The following HECTD4 variants were observed in gnomAD, a reference collection of about 807,000 sequenced individuals.
HECTD4 encodes HECT domain E3 ubiquitin protein ligase 4.
HECTD4 carries 114 observed loss-of-function variants against 471.5 expected under a neutral mutation model. The ratio of observed to expected loss-of-function variants is 0.24; its 90% CI spans 0.21 to 0.28. HECTD4 has a LOEUF of 0.28. HECTD4 is among the 10% of genes least tolerant of loss of function. The probability of loss-of-function intolerance (pLI) is 1.00; values close to 1 mark genes in which losing one functional copy is unlikely to be tolerated. For synonymous variants in HECTD4, 2,012 were observed against 2,256.0 expected (o/e 0.89, Z 3.07); for missense variants, 3,866 against 5,651.5 (o/e 0.68, Z 10.13).
In HECTD4 at chr12:112,192,632, G is replaced by A; in HGVS notation, c.9220C>T (p.Leu3074Phe). The A allele has an allele frequency of 6.2e-7, 1 of 1,609,684 alleles. No individual in the cohort carries two copies. The highest frequency in any genetic ancestry group is 2.2e-5 in the East Asian group (1 of 44,808). ...TGGTCAGCGGTGGGGGGAGGTGCAA[G>A]CCCAGTGTTGGCTGGGGACGCGTCC... The part of the protein sequence containing the change: ...PRDASPANTG[L>F]APPPTADQYP... The change falls in exon 59 of 76, where the codon CTT (leucine) becomes TTT (phenylalanine). Residue 3074 changes from leucine (L) to phenylalanine (F), a missense_variant. Transcript: ENST00000682272.
intron 1 of HECTD4, among the ~76,000 whole-genome samples, chr12:112,324,056 T>C (rs1302085177): frequency 1.2e-4 from 9 of 73,314 alleles, no homozygotes; most frequent in Admixed American, 1.6e-4. Flanking sequence ...CTTTCTTTCT[T>C]TCTTTCTTTC....
At chr12:112,242,659 C>T (rs548384457) in intron 32 of HECTD4, among the ~76,000 whole-genome samples, 2 of 150,444 alleles carry the variant, frequency 1.3e-5, no homozygotes, top group Admixed American at 1.3e-4. Flanking sequence ...CCTGTAATCA[C>T]AGCACTTTGG....
At chr12:112,234,401 T>C (rs1052780982) in intron 37 of HECTD4, among the ~76,000 whole-genome samples, 1 of 152,176 alleles carries the variant, frequency 6.6e-6, no homozygotes, top group African/African-American at 2.4e-5. Context: ...GTTGCCATAA[T>C]GGCAGACAGG....
At chr12:112,331,406 T>C (rs1008318809) in intron 1 of HECTD4, among the ~76,000 whole-genome samples, 1 of 152,176 alleles carries the variant, frequency 6.6e-6, no homozygotes, top group Non-Finnish European at 1.5e-5. Context: ...GTGAATCCAA[T>C]GTGCAGCCAA....
At chr12:112,208,769 CAG>C in intron 50 of HECTD4, 139 bp from the exon 51 acceptor site, 2 of 623,852 alleles carry the variant, frequency 3.2e-6, no homozygotes, top group Non-Finnish European at 4.9e-6. Context: ...TGTTAAATCA[CAG>C]AGTCTAGGAA....
chr12:112,228,136 T>C lies in HECTD4; in HGVS notation c.6807A>G (p.Ser2269=). 1 of 1,613,804 alleles carries C rather than the reference T, an allele frequency of 6.2e-7. No homozygotes were observed. The highest frequency in any genetic ancestry group is 8.5e-7 in the Non-Finnish European group (1 of 1,179,808). The stretch of plus-strand genomic sequence containing the variant: ...GCCGAACGACTGCCATCACAGGAGC[T>C]GACCCATCTCCTGTTGCAGGAAGTG... ...HTSLPATGDG[S]APVMAVVRLL... The change falls in exon 43 of 76, where the codon TCA becomes TCG. Residue 2269 remains serine (S), a synonymous_variant. Transcript: ENST00000682272. This position sits in a 1 kb window ranked among gnomAD's most constrained non-coding sequence, Gnocchi z 4.9.
rs989000672 is a variant in HECTD4, at chr12:112,166,312, C to G, written c.12534+1005G>C. ...TCTTGCAATGGCTGCCCTGAGTGAC[C>G]CAGGGGGACAATGGCAGAGACCAGA... On this transcript the variant is annotated intron_variant, in intron 72 of 75. Coordinates refer to ENST00000682272, the MANE Select transcript of HECTD4 (RefSeq NM_001388303.1). This position sits in a 1 kb window ranked among gnomAD's most constrained non-coding sequence, Gnocchi z 4.6. 6.6e-6 allele frequency: 1 copy of G among 152,220 alleles called. No individual in the cohort carries two copies. Among genetic ancestry groups the G allele is most frequent in the Non-Finnish European group, 1.5e-5 (1 of 68,056 alleles). The allele number at this position is 152,220 out of a possible 1,614,324, so 9.4% of individuals were successfully genotyped here.
chr12:112,172,907 A>G, intron 66 of HECTD4, 46 bp from the exon 67 acceptor site: 3 of 1,528,780 alleles, frequency 2.0e-6, no homozygotes, highest in Non-Finnish European at 2.7e-6. Context: ...GGCAGGGCAC[A>G]CCGGGATGAC....
chr12:112,301,447 G>C (rs2035163297), intron 7 of HECTD4, among the ~76,000 whole-genome samples: 1 of 152,156 alleles, frequency 6.6e-6, no homozygotes, highest in African/African-American at 2.4e-5. Context: ...CTCCCAAAGT[G>C]TTGGGATTAC....
intron 54 of HECTD4, chr12:112,201,145 G>A (rs1167037551): frequency 2.2e-6 from 1 of 449,938 alleles, no homozygotes; most frequent in East Asian, 7.0e-5. Context: ...CCAAGCTGGA[G>A]TGCAGTGGTG....
chr12:112,361,730 C>G (rs1023063536), intron 1 of HECTD4, among the ~76,000 whole-genome samples: 1 of 152,174 alleles, frequency 6.6e-6, no homozygotes. Context: ...CTGAAGGACC[C>G]TGCATTTTAA....
intron 1 of HECTD4, among the ~76,000 whole-genome samples, chr12:112,361,455 G>T (rs981124802): frequency 2.6e-5 from 4 of 151,654 alleles, no homozygotes; most frequent in Non-Finnish European, 5.9e-5. Context: ...TTTTATTTTT[G>T]TAGAGATAGG....
chr12:112,304,995 A>G (rs1372125571), intron 7 of HECTD4, among the ~76,000 whole-genome samples: 1 of 152,180 alleles, frequency 6.6e-6, no homozygotes, highest in East Asian at 1.9e-4. Flanking sequence ...AAATTACCTC[A>G]TGAAAAAAGG....
chr12:112,239,956 A>G lies in HECTD4; in HGVS notation c.5030T>C (p.Val1677Ala). 1.2e-6 allele frequency: 2 copies of G among 1,614,006 alleles called. No homozygotes were observed. Among genetic ancestry groups the G allele is most frequent in the Non-Finnish European group, 1.7e-6 (2 of 1,179,838 alleles). The stretch of plus-strand genomic sequence containing the variant: ...AGGGTAACGAGCACACAGAGACACA[A>G]CAGAGGTCATGGTCTCGCCAAAGGC... ...QEAFGETMTS[V>A]VSLCARYPIA... Residue 1677 changes from valine (V) to alanine (A), a missense_variant, in exon 33 of 76, where the codon GTT becomes GCT. Physicochemically the swap from Val to Ala is moderately conservative, Grantham distance 64. Coordinates refer to ENST00000682272, the MANE Select transcript of HECTD4 (RefSeq NM_001388303.1). The surrounding 1 kb of genome is among the most constrained non-coding windows in gnomAD (Gnocchi z 4.9).
chr12:112,234,982 G>A (rs1297163955), intron 37 of HECTD4, 95 bp downstream of exon 37: 18 of 1,117,500 alleles, frequency 1.6e-5, no homozygotes, highest in East Asian at 2.6e-5. Context: ...AAAGAGGGCC[G>A]AGGCAGTCGA....
chr12:112,213,514 G>C lies in HECTD4; in HGVS notation c.7466-864C>G, dbSNP rs2135546391. 6.6e-6 allele frequency among the ~76,000 whole-genome samples: 1 copy of C among 150,742 alleles called. No individual in the cohort carries two copies. Among genetic ancestry groups the C allele is most frequent in the African/African-American group, 2.4e-5 (1 of 41,050 alleles). ...ATCCTGGCTAACACGGTGAAACCCT[G>C]TCTCTACTAAAAATACAAAAATTTC... On this transcript the variant is annotated intron_variant, in intron 48 of 75. Transcript: ENST00000682272. This position sits in a 1 kb window ranked among gnomAD's most constrained non-coding sequence, Gnocchi z 4.0.
rs184515354 is a variant in HECTD4, at chr12:112,311,633, A to G, written c.916+1384T>C. 5.7e-3 allele frequency among the ~76,000 whole-genome samples: 864 copies of G among 151,208 alleles called. 10 individuals are homozygous for G. Among genetic ancestry groups the G allele is most frequent in the African/African-American group, 0.02 (813 of 41,346 alleles). ...AGACCCCATCTCAAAAAAAAAAAAA[A>G]AAGAAAAGAAAAAGAAAAAAGAGAG... On this transcript the variant is annotated intron_variant, in intron 4 of 75. Transcript: ENST00000682272.
chr12:112,320,587 G>A (rs1417894892), intron 1 of HECTD4, among the ~76,000 whole-genome samples: 1 of 151,894 alleles, frequency 6.6e-6, no homozygotes, highest in Non-Finnish European at 1.5e-5. Flanking sequence ...TGTAGTCCCA[G>A]CTACTCAGGA....
intron 7 of HECTD4, chr12:112,302,411 A>G: frequency 2.6e-6 from 2 of 755,040 alleles, no homozygotes; most frequent in Non-Finnish European, 4.9e-6. Flanking sequence ...TTGGCAGTTC[A>G]GGGCCTGGGT....
Sources: gnomAD v4.1 joint callset for allele counts (sites outside exome capture counted in the v4.1 genomes callset) on GRCh38, gnomAD v4.1.1 for gene constraint, Gnocchi (gnomAD v3.1) non-coding constraint, MANE v1.5 for transcripts, NCBI Gene and HGNC (gene_info 2026-07-23, HGNC 2026-07-21) for gene names.